Variants in LYSMD3 observed in about 807,000 individuals in gnomAD.
The protein encoded by LYSMD3 is LysM domain containing 3.
A neutral mutation model predicts 26.1 loss-of-function variants in LYSMD3; 13 were observed. The observed-to-expected ratio is 0.50, with a 90% CI of 0.32 to 0.79. The LOEUF is 0.79. Among genes scored for constraint, LYSMD3 ranks in the 30% least tolerant of loss-of-function variants. LYSMD3 has a pLI of 0.03. For synonymous variants in LYSMD3, 109 were observed against 119.4 expected (o/e 0.91, Z 0.57); for missense variants, 331 against 362.5 (o/e 0.91, Z 0.71).
Position 90,518,907 on chromosome 5 carries a change from G to T in LYSMD3, c.833C>A (p.Pro278Gln). ...QQREMENGIV[P>Q]TKGIHFSQQD... is the part of the protein sequence containing the mutation. The stretch of plus-strand genomic sequence containing the variant: ...TTGGCTGAAATGTATTCCTTTAGTT[G>T]GCACAATTCCATTTTCCATTTCTCT... The change falls in exon 3 of 3, where the codon CCA becomes CAA. Residue 278 changes from proline (P) to glutamine (Q), a missense_variant. By Grantham distance (76) the Pro-to-Gln change is moderately conservative. Transcript: ENST00000315948. 1 of 1,613,952 alleles carries T rather than the reference G, an allele frequency of 6.2e-7. No homozygotes were observed. The highest frequency in any genetic ancestry group is 1.3e-5 in the African/African-American group (1 of 74,984).
chr5:90,526,539 G>A (rs1244838704), intron 1 of LYSMD3, among the ~76,000 whole-genome samples: 3 of 152,210 alleles, frequency 2.0e-5, no homozygotes, highest in Non-Finnish European at 4.4e-5. Context: ...TTGGCTTCGT[G>A]TTAATTATTC....
intron 1 of LYSMD3, among the ~76,000 whole-genome samples, chr5:90,527,754 G>A (rs773750809): frequency 1.3e-5 from 2 of 152,148 alleles, no homozygotes; most frequent in African/African-American, 2.4e-5. Context: ...CCGGTCTCAA[G>A]CATTTCAGGT....
rs375143397 is a variant in LYSMD3, at chr5:90,519,029, C to T, written c.711G>A (p.Leu237=). ...IVGIITPVFY[L]LYYEILAKVD... is the part of the protein sequence containing the mutation. ...CCTTAGCTAAAATTTCATAATACAA[C>T]AAATAAAACACTGGTGTTATTATAC... The change falls in exon 3 of 3, where the codon TTG becomes TTA. Residue 237 remains leucine, a synonymous_variant. Coordinates refer to ENST00000315948, the MANE Select transcript of LYSMD3 (RefSeq NM_198273.2). 1.5e-4 allele frequency: 249 copies of T among 1,614,092 alleles called. No individual in the cohort carries two copies. Among genetic ancestry groups the T allele is most frequent in the Admixed American group, 2.2e-4 (13 of 60,010 alleles).
chr5:90,519,082 TCCA>T lies in LYSMD3; in HGVS notation c.655_657del (p.Trp219del), dbSNP rs1170170942. ...ACTATCAACATTATCACTACAGCTG[TCCA>T]CCACCCTATTCCCCAGTCTGCTCCA... On this transcript the variant is annotated inframe_deletion, in exon 3 of 3. Coordinates refer to ENST00000315948, the MANE Select transcript of LYSMD3 (RefSeq NM_198273.2). 1.9e-6 allele frequency: 3 copies of T among 1,614,022 alleles called. No homozygotes were observed. The highest frequency in any genetic ancestry group is 2.5e-6 in the Non-Finnish European group (3 of 1,179,994).
chr5:90,520,254 G>C (rs1227696456), intron 2 of LYSMD3: 1 of 395,896 alleles, frequency 2.5e-6, no homozygotes, highest in East Asian at 7.2e-5. Flanking sequence ...CCACTGTGTT[G>C]GGGGAAGAGG....
In LYSMD3 at chr5:90,525,286, C is replaced by A; in HGVS notation, c.4G>T (p.Ala2Ser). 1 of 1,590,090 alleles carries A rather than the reference C, an allele frequency of 6.3e-7. No homozygotes were observed. Among genetic ancestry groups the A allele is most frequent in the Non-Finnish European group, 8.5e-7 (1 of 1,171,528 alleles). The part of the protein sequence containing the change: M[A>S]GRHQNRSFPL... ...AAACTACGATTCTGATGCCTCCCTG[C>A]CATAATGTTAAAATCTGGAGGAAAA... Residue 2 changes from alanine (A) to serine (S), a missense_variant, in exon 2 of 3, where the codon GCA becomes TCA. Around this residue, in one of 3 missense-constraint regions of LYSMD3, gnomAD observed 262 missense variants for 267.3 expected, o/e 0.98. Transcript: ENST00000315948.
At chr5:90,519,512 C>G in intron 2 of LYSMD3, 28 bp from the exon 3 acceptor site, 2 of 1,555,088 alleles carry the variant, frequency 1.3e-6, no homozygotes, top group Non-Finnish European at 8.7e-7. Flanking sequence ...AAGCAACATA[C>G]AACTGAATTC....
rs1478912930 is a variant in LYSMD3, at chr5:90,516,517, A to G, written c.*2302T>C. 1.3e-5 allele frequency: 2 copies of G among 152,136 alleles called. No homozygotes were observed. Among genetic ancestry groups the G allele is most frequent in the Admixed American group, 1.3e-4 (2 of 15,280 alleles). The allele number at this position is 152,136 out of a possible 1,614,324, so 9.4% of individuals were successfully genotyped here. A position where few individuals can be genotyped will look rare whatever the true frequency, so the allele number is the denominator to read the frequency against. ...TAAACAATAACTGTGCTTGTTAGTT[A>G]TACAAGGTAATTTGCATTTGATATA... On this transcript the variant is annotated 3_prime_UTR_variant, in exon 3 of 3. Coordinates refer to ENST00000315948, the MANE Select transcript of LYSMD3 (RefSeq NM_198273.2).
In LYSMD3 at chr5:90,516,362, G is replaced by T. The variant is rs989077520; in HGVS notation, c.*2457C>A. On this transcript the variant is annotated 3_prime_UTR_variant, in exon 3 of 3. Coordinates refer to ENST00000315948, the MANE Select transcript of LYSMD3 (RefSeq NM_198273.2). Reference sequence around the variant, plus strand: ...CTCCAAAATTTTAAGTAAACCAAATGCAATGATTCTGCTGTTACTTTTACA... The same window carrying T: ...CTCCAAAATTTTAAGTAAACCAAATTCAATGATTCTGCTGTTACTTTTACA... 1 of 151,988 alleles carries T rather than the reference G, an allele frequency of 6.6e-6. No individual in the cohort carries two copies. The highest frequency in any genetic ancestry group is 1.5e-5 in the Non-Finnish European group (1 of 67,946). The allele number at this position is 151,988 out of a possible 1,614,324, so 9.4% of individuals were successfully genotyped here.
At chr5:90,522,798 A>G (rs1024502847) in intron 2 of LYSMD3, among the ~76,000 whole-genome samples, 6 of 152,236 alleles carry the variant, frequency 3.9e-5, no homozygotes, top group Non-Finnish European at 7.3e-5. Flanking sequence ...CACTTCGGAA[A>G]TAACTATGAA....
intron 2 of LYSMD3, among the ~76,000 whole-genome samples, chr5:90,522,724 A>G (rs756702338): frequency 1.3e-5 from 2 of 152,152 alleles, no homozygotes; most frequent in Admixed American, 6.5e-5. Context: ...TTGTTCTCTT[A>G]CTGTATGGAT....
At chr5:90,529,206 T>C (rs1753299335) in intron 1 of LYSMD3, 3 of 353,238 alleles carry the variant, frequency 8.5e-6, no homozygotes, top group South Asian at 6.2e-5. Flanking sequence ...GCCCAGGTAA[T>C]CCAGCAGGTA....
At position 90,525,361 on chromosome 5, in the gene LYSMD3, C is replaced by T. The variant is rs1580234340; in HGVS notation, c.-11-61G>A. 2.8e-6 allele frequency: 4 copies of T among 1,431,514 alleles called. No homozygotes were observed. In the East Asian group the frequency reaches 6.9e-5, roughly 25 times the overall value. The allele number at this position is 1,431,514 out of a possible 1,614,324, so 88.7% of individuals were successfully genotyped here. A position where few individuals can be genotyped will look rare whatever the true frequency, so the allele number is the denominator to read the frequency against. ...GTAGCTGATCCAACTGACTGATTTGCATGCATCGTACATTCAGGACACAAT... is the reference window on the plus strand; with the variant it reads ...GTAGCTGATCCAACTGACTGATTTGTATGCATCGTACATTCAGGACACAAT... On this transcript the variant is annotated intron_variant, in intron 1 of 2. Transcript: ENST00000315948.
In LYSMD3 at chr5:90,515,633, T is replaced by C. The variant is rs1190404927; in HGVS notation, c.*3186A>G. The C allele has an allele frequency of 6.6e-6, 1 of 152,164 alleles. No individual in the cohort carries two copies. Among genetic ancestry groups the C allele is most frequent in the African/African-American group, 2.4e-5 (1 of 41,450 alleles). 9.4% of individuals were successfully genotyped at this position (152,164 alleles called of 1,614,324 possible). ...TAAATTCACTGGCTTCCATTTTAGA[T>C]TGAATAAGAGAAACTTTATTACATG... On this transcript the variant is annotated 3_prime_UTR_variant, in exon 3 of 3. Coordinates refer to ENST00000315948, the MANE Select transcript of LYSMD3 (RefSeq NM_198273.2).
At chr5:90,527,850 A>G (rs78852288) in intron 1 of LYSMD3, among the ~76,000 whole-genome samples, 1,701 of 152,316 alleles carry the variant, frequency 0.011, 16 homozygotes, top group Middle Eastern at 0.031. Flanking sequence ...CCAACCCTTG[A>G]AAAGCACTTT....
chr5:90,524,972 TTA>T, intron 2 of LYSMD3, 61 bp downstream of exon 2: 2 of 1,332,192 alleles, frequency 1.5e-6, no homozygotes, highest in Non-Finnish European at 2.0e-6. Flanking sequence ...GACACAGAAT[TTA>T]TTTCAGTGTG....
rs1752938637 is a variant in LYSMD3, at chr5:90,516,086, T to G, written c.*2733A>C. ...ACTAATTACTAAGTAGTGGTTCATT[T>G]AAATAACTCTTCAGGACACTGAACC... is the stretch of plus-strand genomic sequence containing the variant. On this transcript the variant is annotated 3_prime_UTR_variant, in exon 3 of 3. Coordinates refer to ENST00000315948, the MANE Select transcript of LYSMD3 (RefSeq NM_198273.2). The G allele has an allele frequency of 6.6e-6, 1 of 152,136 alleles. No individual in the cohort carries two copies. Among genetic ancestry groups the G allele is most frequent in the African/African-American group, 2.4e-5 (1 of 41,436 alleles). The allele number at this position is 152,136 out of a possible 1,614,324, so 9.4% of individuals were successfully genotyped here.
chr5:90,520,556 G>A (rs555757556), intron 2 of LYSMD3: 1 of 453,944 alleles, frequency 2.2e-6, no homozygotes, highest in Non-Finnish European at 4.4e-6. Flanking sequence ...GGACAGAGTT[G>A]TAGATATATG....
chr5:90,528,951 G>A (rs1472844259), intron 1 of LYSMD3, among the ~76,000 whole-genome samples: 2 of 152,102 alleles, frequency 1.3e-5, no homozygotes, highest in African/African-American at 4.8e-5. Context: ...AAGCTGCAAA[G>A]GGACAGAATC....
Sources: allele counts gnomAD v4.1 joint callset (sites outside exome capture counted in the v4.1 genomes callset), GRCh38; gene constraint gnomAD v4.1.1; regional missense constraint gnomAD v4.1.1; transcripts MANE v1.5; gene names NCBI Gene and HGNC (gene_info 2026-07-23, HGNC 2026-07-21).